Variants in EBF1 observed in about 807,000 individuals in gnomAD.
The protein encoded by EBF1 is transcription factor COE1.
EBF1 carries 10 observed loss-of-function variants against 68.4 expected under a neutral mutation model. That is an observed-to-expected ratio of 0.15 (90% CI 0.09 to 0.25). The LOEUF is 0.25. EBF1 is among the 10% of genes least tolerant of loss of function. The probability of loss-of-function intolerance (pLI) is 1.00; values close to 1 mark genes in which losing one functional copy is unlikely to be tolerated. For synonymous variants in EBF1, 298 were observed against 299.8 expected (o/e 0.99, Z 0.06); for missense variants, 509 against 794.4 (o/e 0.64, Z 4.32).
At chr5:158,997,066 C>G (rs1761561867) in intron 6 of EBF1, among the ~76,000 whole-genome samples, 1 of 152,200 alleles carries the variant, frequency 6.6e-6, no homozygotes. Flanking sequence ...CACATCCAAT[C>G]TCCCTCCTCA....
intron 10 of EBF1, among the ~76,000 whole-genome samples, chr5:158,756,982 A>G (rs1160821177): frequency 1.3e-5 from 2 of 151,610 alleles, no homozygotes; most frequent in Non-Finnish European, 2.9e-5. Flanking sequence ...ATGCTGAAAA[A>G]AAAAAAAAAA....
chr5:159,099,054 T>C (rs1052502429), intron 1 of EBF1, among the ~76,000 whole-genome samples: 1 of 152,090 alleles, frequency 6.6e-6, no homozygotes, highest in African/African-American at 2.4e-5. Flanking sequence ...ACATGCTGTG[T>C]TGAGACGCCT....
chr5:159,049,562 A>C (rs558007803), intron 6 of EBF1, among the ~76,000 whole-genome samples: 1 of 152,334 alleles, frequency 6.6e-6, no homozygotes, highest in South Asian at 2.1e-4. Flanking sequence ...TATTCTGCAA[A>C]ATGTAAAAAC....
At chr5:158,909,301 G>T (rs992828875) in intron 6 of EBF1, among the ~76,000 whole-genome samples, 3 of 152,140 alleles carry the variant, frequency 2.0e-5, no homozygotes. Context: ...TTGGATTTTG[G>T]TGGGGGTTTT....
Position 158,888,925 on chromosome 5 carries a change from G to A in EBF1, c.555-48815C>T, listed in dbSNP as rs73816082. Among the ~76,000 whole-genome samples, 740 of 152,108 alleles carry A rather than the reference G, an allele frequency of 4.9e-3. 9 individuals carry two copies. Among genetic ancestry groups the A allele is most frequent in the African/African-American group, 0.017 (710 of 41,504 alleles). ...ATGTGTCCTCTCCCAATCAACACAA[G>A]CAGAATTTTCTTCCCTTTACTTCTC... is the stretch of plus-strand genomic sequence containing the variant. On this transcript the variant is annotated intron_variant, in intron 6 of 15. Coordinates refer to ENST00000313708, the MANE Select transcript of EBF1 (RefSeq NM_024007.5).
chr5:159,068,493 C>T (rs947989615), intron 6 of EBF1, among the ~76,000 whole-genome samples: 1 of 152,042 alleles, frequency 6.6e-6, no homozygotes, highest in African/African-American at 2.4e-5. Flanking sequence ...TATATAAATA[C>T]ATTGGTGTCA....
At chr5:158,727,981 G>T (rs1471116324) in intron 11 of EBF1, among the ~76,000 whole-genome samples, 1 of 152,218 alleles carries the variant, frequency 6.6e-6, no homozygotes, top group African/African-American at 2.4e-5. Context: ...ATAAAGAGGA[G>T]TTTGTTTTTT....
intron 6 of EBF1, among the ~76,000 whole-genome samples, chr5:159,066,250 T>C (rs1776778225): frequency 6.6e-6 from 1 of 152,174 alleles, no homozygotes; most frequent in Non-Finnish European, 1.5e-5. Flanking sequence ...ACAAAACTAT[T>C]GTGCCTCAAA....
At chr5:158,793,716 T>G (rs149866382) in intron 9 of EBF1, among the ~76,000 whole-genome samples, 9 of 152,324 alleles carry the variant, frequency 5.9e-5, no homozygotes, top group Middle Eastern at 3.4e-3. Context: ...AAGCCTATTG[T>G]GAGGCTTAAA....
At chr5:158,715,892 T>C (rs1459083350) in intron 11 of EBF1, among the ~76,000 whole-genome samples, 1 of 152,210 alleles carries the variant, frequency 6.6e-6, no homozygotes, top group Admixed American at 6.5e-5. Context: ...TTACTAAGAT[T>C]AGACTTCTCT....
intron 6 of EBF1, among the ~76,000 whole-genome samples, chr5:159,065,435 C>T (rs1420234518): frequency 6.6e-6 from 1 of 151,958 alleles, no homozygotes; most frequent in African/African-American, 2.4e-5. Flanking sequence ...AACAAAATAC[C>T]CTATCATTTT....
At chr5:158,807,455 TA>T (rs1433670897) in intron 8 of EBF1, among the ~76,000 whole-genome samples, 1 of 152,146 alleles carries the variant, frequency 6.6e-6, no homozygotes, top group Non-Finnish European at 1.5e-5. Context: ...AAGACATTAG[TA>T]AATCCAGGTT....
At chr5:159,052,656 T>A (rs1280577971) in intron 6 of EBF1, among the ~76,000 whole-genome samples, 4 of 152,184 alleles carry the variant, frequency 2.6e-5, no homozygotes, top group Non-Finnish European at 2.9e-5. Flanking sequence ...ACTGGACGGA[T>A]CCTTTACCAT....
chr5:158,973,475 A>G (rs573889429), intron 6 of EBF1, among the ~76,000 whole-genome samples: 4 of 152,148 alleles, frequency 2.6e-5, no homozygotes, highest in Admixed American at 6.5e-5. Flanking sequence ...ACACACACAC[A>G]CACACACACA....
At chr5:158,808,337 T>A (rs926074965) in intron 8 of EBF1, among the ~76,000 whole-genome samples, 8 of 152,144 alleles carry the variant, frequency 5.3e-5, no homozygotes, top group African/African-American at 1.7e-4. Flanking sequence ...TACATAATTA[T>A]TAGTTATATG....
chr5:158,870,303 G>A (rs1796663449), intron 6 of EBF1, among the ~76,000 whole-genome samples: 1 of 152,144 alleles, frequency 6.6e-6, no homozygotes, highest in African/African-American at 2.4e-5. Flanking sequence ...AATAAAGTTA[G>A]TAATAGGAAG....
At chr5:158,716,845 G>C (rs992182805) in intron 11 of EBF1, among the ~76,000 whole-genome samples, 10 of 152,128 alleles carry the variant, frequency 6.6e-5, no homozygotes, top group Admixed American at 2.0e-4. Context: ...AGAACATGAC[G>C]AGCAGGTCAG....
At chr5:158,917,402 A>G (rs1807440374) in intron 6 of EBF1, among the ~76,000 whole-genome samples, 1 of 152,148 alleles carries the variant, frequency 6.6e-6, no homozygotes, top group South Asian at 2.1e-4. Context: ...ACCTACCCCC[A>G]TCTGTAAACC....
At position 158,698,074 on chromosome 5, in the gene EBF1, C is replaced by T. The variant is rs554920057; in HGVS notation, c.*1037G>A. ...GAGGCAGTATCTGGAATGGGAAAAT[C>T]GAAAATACCTGCCACGTTGCTTTTA... On this transcript the variant is annotated 3_prime_UTR_variant, in exon 16 of 16. Transcript: ENST00000313708. The T allele has an allele frequency of 2.8e-5, 6 of 216,958 alleles. No homozygotes were observed. In the South Asian group the frequency reaches 5.6e-4, roughly 20 times the overall value. The allele number at this position is 216,958 out of a possible 1,614,324, so 13.4% of individuals were successfully genotyped here.
Sources: gnomAD v4.1 joint callset for allele counts (sites outside exome capture counted in the v4.1 genomes callset) on GRCh38, gnomAD v4.1.1 for gene constraint, MANE v1.5 for transcripts, NCBI Gene and HGNC (gene_info 2026-07-23, HGNC 2026-07-21) for gene names.